Variants in BAG4 observed in about 807,000 individuals in gnomAD.
BAG4 encodes BAG family molecular chaperone regulator 4.
In BAG4, 28 loss-of-function variants were observed where a neutral mutation model predicts 52.1. The ratio of observed to expected loss-of-function variants is 0.54; its 90% CI spans 0.40 to 0.74. BAG4 has a LOEUF of 0.74. Among genes scored for constraint, BAG4 ranks in the 30% least tolerant of loss-of-function variants. The pLI, the probability that BAG4 is intolerant of heterozygous loss-of-function variation, is 0.00. For missense variants in BAG4, 525 were observed against 572.0 expected (o/e 0.92, Z 0.84); for synonymous variants, 208 against 217.0 (o/e 0.96, Z 0.37).
intron 1 of BAG4, among the ~76,000 whole-genome samples, chr8:38,181,886 CAAAAAAAAAAAAAAA>C (rs34268146): frequency 1.1e-4 from 4 of 37,268 alleles, no homozygotes; most frequent in South Asian, 2.0e-3. Context: ...GAGACTATCT[CAAAAAAAAAAAAAAA>C]AAAAAAAAAA....
intron 2 of BAG4, among the ~76,000 whole-genome samples, chr8:38,194,443 G>T (rs2130676366): frequency 7.9e-6 from 1 of 126,806 alleles, no homozygotes. Flanking sequence ...TTGAGATAGA[G>T]TCTCACCCTG....
rs558393579 is a variant in BAG4 at position 38,210,395 on chromosome 8, G to C, written c.1276G>C (p.Val426Leu). ...LTKELLELDS[V>L]ETGGQDSVRQ... ...CAAGGAACTTTTGGAACTGGATTCAGTTGAAACTGGGGGCCAGGACTCTGT... is the reference window on the plus strand; with the variant it reads ...CAAGGAACTTTTGGAACTGGATTCACTTGAAACTGGGGGCCAGGACTCTGT... The change falls in exon 5 of 5, where the codon GTT becomes CTT. Residue 426 changes from valine (V) to leucine (L), a missense_variant. This residue lies in a region of BAG4 where 238 missense variants were observed against 305.8 expected (regional missense o/e 0.78). Transcript: ENST00000287322. 6.2e-7 allele frequency: 1 copy of C among 1,614,166 alleles called. No individual in the cohort carries two copies. The highest frequency in any genetic ancestry group is 1.1e-5 in the South Asian group (1 of 91,078).
In BAG4 at chr8:38,203,853, AG is replaced by A. The variant is rs1249929722; in HGVS notation, c.379-3658del. On this transcript the variant is annotated intron_variant, in intron 2 of 4. Transcript: ENST00000287322. ...CTGTCTCAAAAAAAAAAAAAAAAAA[AG>A]TCCTTGTGATAATACTTATCGCAGA... The A allele has an allele frequency of 8.9e-4, 139 of 156,458 alleles. 1 individual carries two copies. Among genetic ancestry groups the A allele is most frequent in the Middle Eastern group, 3.1e-3 (1 of 322 alleles). 9.7% of individuals were successfully genotyped at this position (156,458 alleles called of 1,614,324 possible).
At chr8:38,208,942 T>A (rs1803820982) in intron 3 of BAG4, 71 bp from the exon 4 acceptor site, 1 of 1,517,530 alleles carries the variant, frequency 6.6e-7, no homozygotes, top group Non-Finnish European at 8.9e-7. Flanking sequence ...CATCTCAGAA[T>A]CTGCCTGTAG....
rs376807722 is a variant in BAG4 at position 38,181,035 on chromosome 8, G to A, written c.270+3896G>A. On this transcript the variant is annotated intron_variant, in intron 1 of 4. Transcript: ENST00000287322. ...GGCTCACCGCAAGCTCCGCCTCTTGGGTTCACGCCCTTCTCCTGCCTCAGC... is the reference window on the plus strand; with the variant it reads ...GGCTCACCGCAAGCTCCGCCTCTTGAGTTCACGCCCTTCTCCTGCCTCAGC... Among the ~76,000 whole-genome samples the A allele has an allele frequency of 1.6e-3, 246 of 151,518 alleles. 2 individuals are homozygous for A. Among genetic ancestry groups the A allele is most frequent in the African/African-American group, 5.6e-3 (230 of 41,292 alleles).
At chr8:38,207,145 G>T (rs947687371) in intron 2 of BAG4, among the ~76,000 whole-genome samples, 3 of 151,968 alleles carry the variant, frequency 2.0e-5, no homozygotes, top group Admixed American at 2.0e-4. Flanking sequence ...TAGAGATGGG[G>T]TTTCACCATT....
intron 2 of BAG4, among the ~76,000 whole-genome samples, chr8:38,200,396 A>G (rs1015565594): frequency 6.6e-6 from 1 of 152,168 alleles, no homozygotes; most frequent in Non-Finnish European, 1.5e-5. Context: ...CCTTAAGCCA[A>G]TACCAAACTG....
intron 1 of BAG4, among the ~76,000 whole-genome samples, chr8:38,179,808 C>G (rs932603329): frequency 2.0e-5 from 3 of 151,966 alleles, no homozygotes; most frequent in Non-Finnish European, 4.4e-5. Context: ...TTTTCTCAGC[C>G]TAAATCTGGA....
chr8:38,184,591 G>A (rs1416588880), intron 1 of BAG4, among the ~76,000 whole-genome samples: 2 of 152,152 alleles, frequency 1.3e-5, no homozygotes, highest in African/African-American at 4.8e-5. Context: ...CGTTCGGGTC[G>A]GAGAGTGTTG....
chr8:38,201,386 AC>A (rs1422798765), intron 2 of BAG4, among the ~76,000 whole-genome samples: 1 of 152,142 alleles, frequency 6.6e-6, no homozygotes, highest in Non-Finnish European at 1.5e-5. Context: ...ATCATAGATC[AC>A]TGTAACCTTG....
chr8:38,196,524 G>A (rs1244970906), intron 2 of BAG4, among the ~76,000 whole-genome samples: 1 of 151,984 alleles, frequency 6.6e-6, no homozygotes, highest in East Asian at 1.9e-4. Context: ...GTGGTGGCGG[G>A]CACCTGTAGT....
chr8:38,206,947 ATTTTTTTTT>A (rs11352165), intron 2 of BAG4, among the ~76,000 whole-genome samples: 1 of 111,054 alleles, frequency 9.0e-6, no homozygotes, highest in Non-Finnish European at 1.8e-5. Context: ...GGCCTAGATA[ATTTTTTTTT>A]TTTTTTTTTT....
chr8:38,194,838 T>G (rs1199194826), intron 2 of BAG4, among the ~76,000 whole-genome samples: 3 of 145,296 alleles, frequency 2.1e-5, no homozygotes, highest in Middle Eastern at 3.5e-3. Flanking sequence ...TACTGGGGTG[T>G]TTTTTTTTGT....
Position 38,209,118 on chromosome 8 carries a change from G to T in BAG4, c.739G>T (p.Gly247Cys). Residue 247 changes from glycine (G) to cysteine (C), a missense_variant, in exon 4 of 5, where the codon GGT becomes TGT. By Grantham distance (159) the Gly-to-Cys change is radical. This residue lies in a region of BAG4 where 238 missense variants were observed against 305.8 expected (regional missense o/e 0.78). Transcript: ENST00000287322. ...RPQEDAWASPGAYGMGGRYPW... is the reference protein window; with the variant it reads ...RPQEDAWASPCAYGMGGRYPW... Reference sequence around the variant, plus strand: ...ACAAGAAGATGCGTGGGCTTCTCCTGGTGCTTATGGAATGGGTGGCCGTTA... The same window carrying T: ...ACAAGAAGATGCGTGGGCTTCTCCTTGTGCTTATGGAATGGGTGGCCGTTA... The T allele has an allele frequency of 6.2e-7, 1 of 1,614,116 alleles. No individual in the cohort carries two copies. The highest frequency in any genetic ancestry group is 1.1e-5 in the South Asian group (1 of 91,068).
At chr8:38,188,039 A>AG (rs1803395607) in intron 1 of BAG4, among the ~76,000 whole-genome samples, 1 of 148,256 alleles carries the variant, frequency 6.7e-6, no homozygotes, top group Non-Finnish European at 1.5e-5. Context: ...TCCGTCTCAA[A>AG]AAAAAAAAAA....
At chr8:38,201,225 G>A (rs1028053853) in intron 2 of BAG4, among the ~76,000 whole-genome samples, 1 of 152,122 alleles carries the variant, frequency 6.6e-6, no homozygotes, top group African/African-American at 2.4e-5. Context: ...ATAACCCAAA[G>A]GTGTCTAGAC....
At chr8:38,195,778 C>T (rs1322446683) in intron 2 of BAG4, among the ~76,000 whole-genome samples, 2 of 152,178 alleles carry the variant, frequency 1.3e-5, no homozygotes, top group Non-Finnish European at 2.9e-5. Flanking sequence ...TGGCCACATA[C>T]TATAAAATCC....
intron 1 of BAG4, among the ~76,000 whole-genome samples, chr8:38,183,973 G>A (rs766285438): frequency 1.6e-4 from 24 of 152,162 alleles, no homozygotes; most frequent in Non-Finnish European, 1.8e-4. Context: ...TTTAGAAACC[G>A]TTAAGTCAGG....
chr8:38,181,076 G>T (rs1240846392), intron 1 of BAG4, among the ~76,000 whole-genome samples: 1 of 151,808 alleles, frequency 6.6e-6, no homozygotes, highest in Non-Finnish European at 1.5e-5. Flanking sequence ...GAGTAGCTGG[G>T]ATTACAGGCA....
Sources: gnomAD v4.1 joint callset for allele counts (sites outside exome capture counted in the v4.1 genomes callset) on GRCh38, gnomAD v4.1.1 for gene constraint, gnomAD v4.1.1 regional missense constraint, MANE v1.5 for transcripts, NCBI Gene and HGNC (gene_info 2026-07-23, HGNC 2026-07-21) for gene names.